Variants in ILRUN observed in about 807,000 individuals in gnomAD.
ILRUN encodes inflammation and lipid regulator with UBA-like and NBR1-like domains.
A neutral mutation model predicts 33.8 loss-of-function variants in ILRUN; 3 were observed. The ratio of observed to expected loss-of-function variants is 0.09; its 90% CI spans 0.04 to 0.23. The LOEUF is 0.23. Among genes scored for constraint, ILRUN ranks in the 10% least tolerant of loss-of-function variants. The probability of loss-of-function intolerance (pLI) is 1.00; values close to 1 mark genes in which losing one functional copy is unlikely to be tolerated. For synonymous variants in ILRUN, 124 were observed against 138.9 expected, an observed-to-expected ratio of 0.89 and a Z score of 0.75; for missense variants, 210 against 375.1, an observed-to-expected ratio of 0.56 and a Z score of 3.64.
intron 3 of ILRUN, among the ~76,000 whole-genome samples, chr6:34,635,914 G>T (rs76967117): frequency 5.9e-5 from 9 of 152,012 alleles, no homozygotes; most frequent in Admixed American, 2.0e-4. Flanking sequence ...GAGTCACCAC[G>T]CTGGGCCTGG....
Position 34,592,182 on chromosome 6 carries a change from T to C in ILRUN, c.862-1582A>G, listed in dbSNP as rs1352546812. Among the ~76,000 whole-genome samples, 3 of 152,214 alleles carry C rather than the reference T, an allele frequency of 2.0e-5. No homozygotes were observed. The highest frequency in any genetic ancestry group is 4.8e-5 in the African/African-American group (2 of 41,462). ...AAACAAAAAATCCTCAGGAGATGAT[T>C]TGGGGAATGGACAGGCCAATACCAA... On this transcript the variant is annotated intron_variant, in intron 4 of 4. Coordinates refer to ENST00000374023, the MANE Select transcript of ILRUN (RefSeq NM_024294.4). This position sits in a 1 kb window ranked among gnomAD's most constrained non-coding sequence, Gnocchi z 4.0.
intron 1 of ILRUN, among the ~76,000 whole-genome samples, chr6:34,686,288 CAGG>C (rs1763515309): frequency 6.6e-6 from 1 of 151,942 alleles, no homozygotes; most frequent in African/African-American, 2.4e-5. Flanking sequence ...ATCATGAGGT[CAGG>C]AGATCGAGAC....
intron 3 of ILRUN, among the ~76,000 whole-genome samples, chr6:34,638,266 G>A (rs888125732): frequency 1.3e-5 from 2 of 152,152 alleles, no homozygotes; most frequent in Non-Finnish European, 2.9e-5. Context: ...TGGTGGCAGT[G>A]CAACTGACGG....
intron 1 of ILRUN, among the ~76,000 whole-genome samples, chr6:34,665,140 C>CT (rs752441367): frequency 0.024 from 3,444 of 141,150 alleles, 95 homozygotes; most frequent in African/African-American, 0.064. Context: ...CTCATCTTAT[C>CT]TTTTTTTTTT....
At chr6:34,599,727 TATATCC>T (rs1486444555) in intron 4 of ILRUN, among the ~76,000 whole-genome samples, 1 of 152,206 alleles carries the variant, frequency 6.6e-6, no homozygotes, top group Non-Finnish European at 1.5e-5. Context: ...TCCTACACTC[TATATCC>T]AACTTGGATA....
intron 1 of ILRUN, among the ~76,000 whole-genome samples, chr6:34,667,437 A>G (rs1763027273): frequency 6.6e-6 from 1 of 152,212 alleles, no homozygotes; most frequent in Non-Finnish European, 1.5e-5. Flanking sequence ...TGAAGATGGA[A>G]CAACAAAATT....
At chr6:34,687,708 A>AATATATATATATATATATATTTATAAAAT (rs202128580) in intron 1 of ILRUN, among the ~76,000 whole-genome samples, 2 of 143,340 alleles carry the variant, frequency 1.4e-5, no homozygotes, top group East Asian at 3.9e-4. Context: ...CAAAAAAAAA[A>AATATATATATATATATATATTTATAAAAT]ATATATATAT....
At chr6:34,628,467 C>T (rs896137401) in intron 3 of ILRUN, among the ~76,000 whole-genome samples, 4 of 151,984 alleles carry the variant, frequency 2.6e-5, no homozygotes, top group South Asian at 4.2e-4. Flanking sequence ...GGGACTACTC[C>T]AGCTGCACTC....
rs34908681 is a variant in ILRUN at position 34,594,887 on chromosome 6, T to A, written c.862-4287A>T. On this transcript the variant is annotated intron_variant, in intron 4 of 4. Coordinates refer to ENST00000374023, the MANE Select transcript of ILRUN (RefSeq NM_024294.4). ...CTAATTTCCTAAAATTAAAAAAAAA[T>A]TTTGTTGTTGGGTGTGGTAAGGGAG... Among the ~76,000 whole-genome samples the A allele has an allele frequency of 6.7e-3, 1,015 of 152,126 alleles. 4 individuals carry two copies. Among genetic ancestry groups the A allele is most frequent in the Middle Eastern group, 0.017 (5 of 294 alleles).
intron 1 of ILRUN, among the ~76,000 whole-genome samples, chr6:34,678,873 A>G (rs1238107586): frequency 1.3e-5 from 2 of 151,108 alleles, no homozygotes; most frequent in African/African-American, 2.4e-5. Context: ...AGAAAGAAAG[A>G]AATTTCATTT....
rs552894159 is a variant in ILRUN at position 34,682,041 on chromosome 6, CT to C, written c.158+14404del. Among the ~76,000 whole-genome samples, 341 of 90,564 alleles carry C rather than the reference CT, an allele frequency of 3.8e-3. 3 individuals carry two copies. Among genetic ancestry groups the C allele is most frequent in the Middle Eastern group, 0.02 (4 of 196 alleles). 59.4% of individuals were successfully genotyped at this position (90,564 alleles called of 152,430 possible). A position where few individuals can be genotyped will look rare whatever the true frequency, so the allele number is the denominator to read the frequency against. Reference sequence around the variant, plus strand: ...TAATTCTTATATTTTTATTTTTTTACTTTTTTTTTTTTTTCTAGAGACGGGG... The same window carrying C: ...TAATTCTTATATTTTTATTTTTTTACTTTTTTTTTTTTTCTAGAGACGGGG... On this transcript the variant is annotated intron_variant, in intron 1 of 4. Transcript: ENST00000374023.
intron 1 of ILRUN, among the ~76,000 whole-genome samples, chr6:34,680,803 AT>A (rs983411186): frequency 6.6e-6 from 1 of 150,504 alleles, no homozygotes; most frequent in African/African-American, 2.4e-5. Context: ...GATCCTAACA[AT>A]TTTTTTTTCT....
In ILRUN at chr6:34,626,810, T is replaced by C. The variant is rs527703987; in HGVS notation, c.511+19791A>G. ...TCACGAGGTCAGGAGTTCCAGACCA[T>C]CCTGACCAACATGGTGAAACCCCAT... On this transcript the variant is annotated intron_variant, in intron 3 of 4. Coordinates refer to ENST00000374023, the MANE Select transcript of ILRUN (RefSeq NM_024294.4). Among the ~76,000 whole-genome samples the C allele has an allele frequency of 1.0e-3, 159 of 152,110 alleles. 2 individuals are homozygous for C. The highest frequency in any genetic ancestry group is 5.2e-3 in the Admixed American group (80 of 15,264).
chr6:34,614,836 G>A (rs1761847277), intron 3 of ILRUN, among the ~76,000 whole-genome samples: 1 of 152,054 alleles, frequency 6.6e-6, no homozygotes. Context: ...TTACCTCTGT[G>A]GTATTCTTTC....
Position 34,632,553 on chromosome 6 carries a change from A to ATTT in ILRUN, c.511+14045_511+14047dup, listed in dbSNP as rs1219435236. 9.8e-3 allele frequency among the ~76,000 whole-genome samples: 1,337 copies of ATTT among 136,742 alleles called. 44 individuals are homozygous for ATTT. The highest frequency in any genetic ancestry group is 0.033 in the African/African-American group (1,192 of 35,952). The allele number at this position is 136,742 out of a possible 152,430, so 89.7% of individuals were successfully genotyped here. On this transcript the variant is annotated intron_variant, in intron 3 of 4. Transcript: ENST00000374023. ...GTATTTCTTTTTATCAGAGCAAATA[A>ATTT]TTTTTTTTTTTTTTTTTTGAGATGG...
intron 1 of ILRUN, among the ~76,000 whole-genome samples, chr6:34,690,813 T>C (rs1410949112): frequency 2.6e-5 from 4 of 152,062 alleles, no homozygotes; most frequent in Admixed American, 2.6e-4. Context: ...CAGAAAGTAA[T>C]TAAACATTAT....
intron 1 of ILRUN, among the ~76,000 whole-genome samples, chr6:34,660,028 G>A (rs961450887): frequency 6.6e-6 from 1 of 151,974 alleles, no homozygotes; most frequent in Non-Finnish European, 1.5e-5. Context: ...GGCCAGGTGT[G>A]GTGGCTCATG....
intron 4 of ILRUN, chr6:34,595,660 T>C (rs1462739439): frequency 3.1e-6 from 2 of 640,880 alleles, no homozygotes; most frequent in Non-Finnish European, 3.9e-6. Flanking sequence ...TTACTCTTTC[T>C]GTATACGAAA....
intron 1 of ILRUN, among the ~76,000 whole-genome samples, chr6:34,661,380 GTAGGCACAAGGC>G (rs1417330477): frequency 6.6e-6 from 1 of 152,146 alleles, no homozygotes; most frequent in Non-Finnish European, 1.5e-5. Context: ...AATCTAGGTG[GTAGGCACAAGGC>G]TATACACTCT....
Sources: allele counts gnomAD v4.1 joint callset (sites outside exome capture counted in the v4.1 genomes callset), GRCh38; gene constraint gnomAD v4.1.1; non-coding constraint Gnocchi (gnomAD v3.1); transcripts MANE v1.5; gene names NCBI Gene and HGNC (gene_info 2026-07-23, HGNC 2026-07-21).